GLRX5: variants seen among roughly 807,000 people sequenced by gnomAD.
The protein encoded by GLRX5 is glutaredoxin 5, also known as glutaredoxin-related protein 5, mitochondrial.
In GLRX5, 10 loss-of-function variants were observed where a neutral mutation model predicts 13.8. The observed-to-expected ratio is 0.72, with a 90% confidence interval of 0.45 to 1.23. The LOEUF is 1.23. Ranked by LOEUF, GLRX5 falls within the 50% of genes most tolerant of loss-of-function variation. The probability of loss-of-function intolerance (pLI) is 0.00; values close to 1 mark genes in which losing one functional copy is unlikely to be tolerated. For synonymous variants in GLRX5, 98 were observed against 101.1 expected (o/e 0.97, Z 0.18); for missense variants, 233 against 215.2 (o/e 1.08, Z -0.52).
intron 1 of GLRX5, among the ~76,000 whole-genome samples, chr14:95,541,430 G>C (rs1164362863): frequency 6.6e-6 from 1 of 152,220 alleles, no homozygotes; most frequent in East Asian, 1.9e-4. Flanking sequence ...TAGTCATTAA[G>C]AAGGGTGCCA....
chr14:95,541,488 A>G (rs1891472094), intron 1 of GLRX5, among the ~76,000 whole-genome samples: 1 of 152,274 alleles, frequency 6.6e-6, no homozygotes, highest in African/African-American at 2.4e-5. Context: ...TCATCTAAAA[A>G]TTAAAGAAGC....
intron 1 of GLRX5, 104 bp downstream of exon 1, chr14:95,535,488 T>C (rs1347466399): frequency 5.3e-6 from 6 of 1,121,600 alleles, no homozygotes; most frequent in Non-Finnish European, 6.4e-6. Flanking sequence ...CGGGGCTCCA[T>C]CCGCCGGGGT....
rs1486194806 is a variant in GLRX5, at chr14:95,543,813, A to G, written c.296-134A>G. ...AACTCATGCTCTTAGTGGCAAGCAC[A>G]GTGTTCTCAAGATTGGGGGAAGCCA... On this transcript the variant is annotated intron_variant, in intron 1 of 1. Transcript: ENST00000331334. 4.0e-6 allele frequency: 3 copies of G among 756,076 alleles called. No homozygotes were observed. In the South Asian group the frequency reaches 4.6e-5, roughly 12 times the overall value. The allele number at this position is 756,076 out of a possible 1,614,324, so 46.8% of individuals were successfully genotyped here. A position where few individuals can be genotyped will look rare whatever the true frequency, so the allele number is the denominator to read the frequency against.
In GLRX5 at chr14:95,544,160, C is replaced by T. The variant is rs775692232; in HGVS notation, c.*35C>T. 2.4e-5 allele frequency: 38 copies of T among 1,584,724 alleles called. No individual in the cohort carries two copies. Among genetic ancestry groups the T allele is most frequent in the African/African-American group, 6.7e-5 (5 of 74,276 alleles). ...AGTCCTCGCTGAGCAGAGAGGGAGCCGTTCATGTCAGAGACTCACTGCCAG... is the reference window on the plus strand; with the variant it reads ...AGTCCTCGCTGAGCAGAGAGGGAGCTGTTCATGTCAGAGACTCACTGCCAG... On this transcript the variant is annotated 3_prime_UTR_variant, in exon 2 of 2. Transcript: ENST00000331334.
At chr14:95,543,351 A>AC (rs1891503780) in intron 1 of GLRX5, 21 of 344,582 alleles carry the variant, frequency 6.1e-5, no homozygotes, top group South Asian at 4.7e-4. Context: ...TAAAAAAAAA[A>AC]AAAACTCAAC....
Position 95,535,116 on chromosome 14 carries a change from G to T in GLRX5, c.27G>T (p.Ala9=). Residue 9 remains alanine, a synonymous_variant, in exon 1 of 2, where the codon GCG becomes GCT. Transcript: ENST00000331334. MSGSLGRA[A]AALLRWGRGA... is the part of the protein sequence containing the mutation. ...TGAGCGGGTCCCTCGGCCGAGCTGCGGCGGCTCTGCTCCGCTGGGGGCGCG... is the reference window on the plus strand; with the variant it reads ...TGAGCGGGTCCCTCGGCCGAGCTGCTGCGGCTCTGCTCCGCTGGGGGCGCG... The T allele has an allele frequency of 1.5e-6, 2 of 1,308,206 alleles. No homozygotes were observed. 81.0% of individuals were successfully genotyped at this position (1,308,206 alleles called of 1,614,324 possible).
intron 1 of GLRX5, among the ~76,000 whole-genome samples, chr14:95,541,824 G>C (rs899846816): frequency 6.6e-6 from 1 of 152,192 alleles, no homozygotes; most frequent in African/African-American, 2.4e-5. Flanking sequence ...GTTTTGGGTA[G>C]TTCTCAGGCA....
Position 95,544,321 on chromosome 14 carries a change from A to G in GLRX5, c.*196A>G, listed in dbSNP as rs1483602164. On this transcript the variant is annotated 3_prime_UTR_variant, in exon 2 of 2. Coordinates refer to ENST00000331334, the MANE Select transcript of GLRX5 (RefSeq NM_016417.3). ...ATATTTTATTGTGGACTTAATTACA[A>G]CCACTGCACTGTAATGATTCAATGC... The G allele has an allele frequency of 8.1e-6, 5 of 618,832 alleles. No individual in the cohort carries two copies. Among genetic ancestry groups the G allele is most frequent in the Admixed American group, 2.6e-5 (1 of 38,572 alleles). The allele number at this position is 618,832 out of a possible 1,614,324, so 38.3% of individuals were successfully genotyped here. A position where few individuals can be genotyped will look rare whatever the true frequency, so the allele number is the denominator to read the frequency against.
rs1327756681 is a variant in GLRX5 at position 95,543,971 on chromosome 14, C to T, written c.320C>T (p.Pro107Leu). The change falls in exon 2 of 2, where the codon CCC becomes CTC. Residue 107 changes from proline to leucine, a missense_variant. Pro to Leu is a moderately conservative substitution (Grantham distance 98, BLOSUM62 -3). Transcript: ENST00000331334. Reference protein sequence around the residue: ...RQGIKDYSNWPTIPQVYLNGE... With the variant: ...RQGIKDYSNWLTIPQVYLNGE... ...GGCATTAAAGACTATTCCAACTGGC[C>T]CACCATCCCGCAAGTGTACCTCAAT... 1.2e-6 allele frequency: 2 copies of T among 1,613,860 alleles called. No individual in the cohort carries two copies. The highest frequency in any genetic ancestry group is 2.2e-5 in the South Asian group (2 of 91,080).
chr14:95,535,558 C>G (rs1393730614), intron 1 of GLRX5, among the ~76,000 whole-genome samples, 174 bp downstream of exon 1: 1 of 152,214 alleles, frequency 6.6e-6, no homozygotes, highest in East Asian at 1.9e-4. Flanking sequence ...AGAGTCTGGG[C>G]TGAGGGTGTA....
rs1011980126 is a variant in GLRX5 at position 95,535,403 on chromosome 14, G to T, written c.295+19G>T. On this transcript the variant is annotated intron_variant, in intron 1 of 1. Coordinates refer to ENST00000331334, the MANE Select transcript of GLRX5 (RefSeq NM_016417.3). The stretch of plus-strand genomic sequence containing the variant: ...CGACAAGGTCAGGCCAGTGTGCCGG[G>T]CAGGCGCCCTCCGCCCCGGGCCCAG... 12 of 1,543,322 alleles carry T rather than the reference G, an allele frequency of 7.8e-6. No individual in the cohort carries two copies. The African/African-American group carries it at 1.5e-4, about 19-fold the overall frequency.
Position 95,535,256 on chromosome 14 carries a change from T to G in GLRX5, c.167T>G (p.Val56Gly). ...CTGGTGAAGAAGGACAAGGTGGTGG[T>G]CTTCCTCAAGGGGACGCCGGAGCAG... ...DALVKKDKVV[V>G]FLKGTPEQPQ... The change falls in exon 1 of 2, where the codon GTC becomes GGC. Residue 56 changes from valine (V) to glycine (G), a missense_variant. By Grantham distance (109) the Val-to-Gly change is moderately radical (BLOSUM62 -3). Coordinates refer to ENST00000331334, the MANE Select transcript of GLRX5 (RefSeq NM_016417.3). 1.3e-6 allele frequency: 2 copies of G among 1,571,096 alleles called. No individual in the cohort carries two copies. Among genetic ancestry groups the G allele is most frequent in the Non-Finnish European group, 1.7e-6 (2 of 1,160,246 alleles).
chr14:95,544,645 T>C lies in GLRX5; in HGVS notation c.*520T>C, dbSNP rs186127610. The C allele has an allele frequency of 3.1e-4, 50 of 160,770 alleles. 1 individual carries two copies. The highest frequency in any genetic ancestry group is 2.7e-3 in the Admixed American group (45 of 16,922). 10.0% of individuals were successfully genotyped at this position (160,770 alleles called of 1,614,324 possible). On this transcript the variant is annotated 3_prime_UTR_variant, in exon 2 of 2. Transcript: ENST00000331334. ...TGCATATGTCTGTAAGGATTTGGAG[T>C]GCCTGCAGTGTTTTATGTGTGGGAA... is the stretch of plus-strand genomic sequence containing the variant.
At chr14:95,541,089 T>A (rs993942024) in intron 1 of GLRX5, among the ~76,000 whole-genome samples, 1 of 152,248 alleles carries the variant, frequency 6.6e-6, no homozygotes, top group African/African-American at 2.4e-5. Flanking sequence ...CCACCGTCTA[T>A]CACATATGAA....
At chr14:95,540,243 A>G (rs1447826205) in intron 1 of GLRX5, among the ~76,000 whole-genome samples, 1 of 151,902 alleles carries the variant, frequency 6.6e-6, no homozygotes, top group Non-Finnish European at 1.5e-5. Flanking sequence ...TTCCTGCTTT[A>G]TTTTCCTATG....
intron 1 of GLRX5, among the ~76,000 whole-genome samples, chr14:95,542,179 T>C (rs138133572): frequency 1.0e-3 from 158 of 152,386 alleles, no homozygotes; most frequent in African/African-American, 3.5e-3. Context: ...ACACAAATTA[T>C]GCTAGTTGTT....
chr14:95,535,118 C>G lies in GLRX5; in HGVS notation c.29C>G (p.Ala10Gly). The G allele has an allele frequency of 7.9e-7, 1 of 1,271,962 alleles. No homozygotes were observed. The allele number at this position is 1,271,962 out of a possible 1,614,324, so 78.8% of individuals were successfully genotyped here. Residue 10 changes from alanine to glycine, a missense_variant, in exon 1 of 2, where the codon GCG (alanine) becomes GGG (glycine). Transcript: ENST00000331334. MSGSLGRAA[A>G]ALLRWGRGAG... is the part of the protein sequence containing the mutation. ...AGCGGGTCCCTCGGCCGAGCTGCGGCGGCTCTGCTCCGCTGGGGGCGCGGC... is the reference window on the plus strand; with the variant it reads ...AGCGGGTCCCTCGGCCGAGCTGCGGGGGCTCTGCTCCGCTGGGGGCGCGGC...
rs1478002008 is a variant in GLRX5 at position 95,535,061 on chromosome 14, C to G, written c.-29C>G. 3.0e-6 allele frequency: 4 copies of G among 1,328,914 alleles called. No individual in the cohort carries two copies. Among genetic ancestry groups the G allele is most frequent in the Non-Finnish European group, 2.9e-6 (3 of 1,028,414 alleles). 82.3% of individuals were successfully genotyped at this position (1,328,914 alleles called of 1,614,324 possible). Reference sequence around the variant, plus strand: ...CTGGGTGGCCAGCTGTGGGCCCGGGCCGTCGTGGGCTCCGGCTTGCGTGCG... The same window carrying G: ...CTGGGTGGCCAGCTGTGGGCCCGGGGCGTCGTGGGCTCCGGCTTGCGTGCG... On this transcript the variant is annotated 5_prime_UTR_variant, in exon 1 of 2. Transcript: ENST00000331334.
Position 95,544,256 on chromosome 14 carries a change from G to A in GLRX5, c.*131G>A. 1 of 724,026 alleles carries A rather than the reference G, an allele frequency of 1.4e-6. No homozygotes were observed. Among genetic ancestry groups the A allele is most frequent in the Non-Finnish European group, 2.5e-6 (1 of 406,678 alleles). 44.9% of individuals were successfully genotyped at this position (724,026 alleles called of 1,614,324 possible). ...TTGCACTGATCATTTTGGTTCGTGA[G>A]CAGTTGGTGATTTTAGTTGGTCTGG... On this transcript the variant is annotated 3_prime_UTR_variant, in exon 2 of 2. Transcript: ENST00000331334.
Sources: allele counts gnomAD v4.1 joint callset (sites outside exome capture counted in the v4.1 genomes callset), GRCh38; gene constraint gnomAD v4.1.1; transcripts MANE v1.5; gene names NCBI Gene and HGNC (gene_info 2026-07-23, HGNC 2026-07-21).